TEK: variants seen among roughly 807,000 people sequenced by gnomAD.
TEK encodes TEK receptor tyrosine kinase.
Under a neutral mutation model 131.8 loss-of-function variants are expected in TEK, and 43 were observed. The ratio of observed to expected loss-of-function variants is 0.33; its 90% confidence interval spans 0.26 to 0.42. The LOEUF is 0.42. TEK is among the 10% of genes least tolerant of loss of function. The pLI is 1.00. For missense variants in TEK, 1,162 were observed against 1,384.4 expected, an observed-to-expected ratio of 0.84 and a Z score of 2.55; for synonymous variants, 580 against 491.6, an observed-to-expected ratio of 1.18 and a Z score of -2.38.
chr9:27,116,447 C>T (rs1208780933), intron 1 of TEK, among the ~76,000 whole-genome samples: 1 of 152,156 alleles, frequency 6.6e-6, no homozygotes, highest in Non-Finnish European at 1.5e-5. Flanking sequence ...TGCCACCACA[C>T]CCGGCTAATT....
intron 1 of TEK, among the ~76,000 whole-genome samples, chr9:27,150,996 A>G (rs1376195624): frequency 6.6e-6 from 1 of 152,202 alleles, no homozygotes; most frequent in African/African-American, 2.4e-5. Flanking sequence ...CTCCTGGGTG[A>G]GCACAGGAGT....
At chr9:27,137,019 G>A (rs534964961) in intron 1 of TEK, among the ~76,000 whole-genome samples, 2 of 152,172 alleles carry the variant, frequency 1.3e-5, no homozygotes, top group South Asian at 2.1e-4. Flanking sequence ...GGGTTCAAGC[G>A]ATTCTCCTGC....
chr9:27,167,697 A>C (rs1490103781), intron 2 of TEK, among the ~76,000 whole-genome samples: 1 of 152,184 alleles, frequency 6.6e-6, no homozygotes, highest in East Asian at 1.9e-4. Context: ...TTTACACCAT[A>C]AGTAGTAAGT....
chr9:27,192,408 C>G, intron 10 of TEK, 81 bp from the exon 11 acceptor site: 1 of 1,550,350 alleles, frequency 6.5e-7, no homozygotes, highest in Non-Finnish European at 8.9e-7. Context: ...AAAATTAGTT[C>G]ACATCGCAAT....
In TEK at chr9:27,202,848, G is replaced by T. The variant is rs1373898272; in HGVS notation, c.1938G>T (p.Lys646Asn). 2 of 1,613,922 alleles carry T rather than the reference G, an allele frequency of 1.2e-6. No individual in the cohort carries two copies. The highest frequency in any genetic ancestry group is 2.7e-5 in the African/African-American group (2 of 74,900). Reference protein sequence around the residue: ...DILPPQPENIKISNITHSSAV... With the variant: ...DILPPQPENINISNITHSSAV... ...TTCCTCCTCAACCAGAAAACATCAAGATTTCCAACATTACACACTCCTCAG... is the reference window on the plus strand; with the variant it reads ...TTCCTCCTCAACCAGAAAACATCAATATTTCCAACATTACACACTCCTCAG... The change falls in exon 13 of 23, where the codon AAG (lysine) becomes AAT (asparagine). Residue 646 changes from lysine (K) to asparagine (N), a missense_variant. Physicochemically the swap from Lys to Asn is moderately conservative, Grantham distance 94. Transcript: ENST00000380036.
intron 1 of TEK, among the ~76,000 whole-genome samples, chr9:27,137,755 A>C (rs1467355707): frequency 3.3e-5 from 5 of 152,136 alleles, no homozygotes; most frequent in African/African-American, 1.2e-4. Flanking sequence ...TTCTACCCAC[A>C]CCTAAGAACA....
At position 27,169,591 on chromosome 9, in the gene TEK, A is replaced by G. The variant is rs1224499253; in HGVS notation, c.590A>G (p.Asn197Ser). ...GVYSARYIGG[N>S]LFTSAFTRLI... ...TACTCGGCCAGGTATATAGGAGGAA[A>G]CCTCTTCACCTCGGCCTTCACCAGG... Residue 197 changes from asparagine to serine, a missense_variant, in exon 4 of 23, where the codon AAC becomes AGC. Asn to Ser is a conservative substitution (Grantham distance 46). Transcript: ENST00000380036. The G allele has an allele frequency of 1.9e-6, 3 of 1,614,004 alleles. No homozygotes were observed. The highest frequency in any genetic ancestry group is 2.5e-6 in the Non-Finnish European group (3 of 1,180,000).
intron 1 of TEK, among the ~76,000 whole-genome samples, chr9:27,117,232 A>T (rs1053636470): frequency 6.6e-6 from 1 of 152,170 alleles, no homozygotes; most frequent in East Asian, 1.9e-4. Context: ...CTGACACTGG[A>T]GCACCAGCCT....
chr9:27,215,631 A>C (rs1587033345), intron 18 of TEK, among the ~76,000 whole-genome samples: 2 of 151,638 alleles, frequency 1.3e-5, no homozygotes, highest in South Asian at 2.1e-4. Flanking sequence ...CTACTATACT[A>C]AGCAATTTGG....
At chr9:27,119,067 T>G in intron 1 of TEK, among the ~76,000 whole-genome samples, 1 of 152,192 alleles carries the variant, frequency 6.6e-6, no homozygotes. Flanking sequence ...TGTGAGCTAG[T>G]TTCTTTTATT....
intron 1 of TEK, among the ~76,000 whole-genome samples, chr9:27,117,497 C>G (rs1240749643): frequency 6.6e-6 from 1 of 152,232 alleles, no homozygotes. Context: ...CCCATTGTCC[C>G]CTTGTGTGCC....
At position 27,177,764 on chromosome 9, in the gene TEK, G is replaced by GA. The variant is rs200681713; in HGVS notation, c.902-2467dup. Among the ~76,000 whole-genome samples the GA allele has an allele frequency of 2.9e-4, 43 of 149,966 alleles. No individual in the cohort carries two copies. The South Asian group carries it at 5.3e-3, about 18-fold the overall frequency. On this transcript the variant is annotated intron_variant, in intron 6 of 22. Transcript: ENST00000380036. ...AAACTCCATCTCAAAAAATGAAAAAGAAAAAAAAAGATGTCTATTCAGGTC... is the reference window on the plus strand; with the variant it reads ...AAACTCCATCTCAAAAAATGAAAAAGAAAAAAAAAAGATGTCTATTCAGGTC...
intron 2 of TEK, among the ~76,000 whole-genome samples, chr9:27,164,063 G>A (rs1823634089): frequency 6.6e-6 from 1 of 152,150 alleles, no homozygotes; most frequent in Non-Finnish European, 1.5e-5. Flanking sequence ...GGACCTTAAA[G>A]CCTTCTGAGT....
At chr9:27,196,958 A>C (rs1178196382) in intron 11 of TEK, among the ~76,000 whole-genome samples, 1 of 151,324 alleles carries the variant, frequency 6.6e-6, no homozygotes, top group African/African-American at 2.4e-5. Context: ...GGTGTGCTGC[A>C]CCCATTAACT....
intron 1 of TEK, among the ~76,000 whole-genome samples, chr9:27,120,522 A>G (rs985107005): frequency 6.6e-6 from 1 of 152,280 alleles, no homozygotes; most frequent in Non-Finnish European, 1.5e-5. Context: ...GTGAGGGACT[A>G]GTGGAATGAA....
At chr9:27,130,406 A>T (rs547508030) in intron 1 of TEK, among the ~76,000 whole-genome samples, 1 of 152,272 alleles carries the variant, frequency 6.6e-6, no homozygotes, top group Non-Finnish European at 1.5e-5. Flanking sequence ...ATGTAAAAAA[A>T]CTCAAGCCAT....
At chr9:27,116,295 GTT>G (rs545601527) in intron 1 of TEK, among the ~76,000 whole-genome samples, 1 of 148,130 alleles carries the variant, frequency 6.8e-6, no homozygotes, top group Non-Finnish European at 1.5e-5. Flanking sequence ...TGTAAAGGAA[GTT>G]TTTTTTTTTG....
At chr9:27,196,817 A>G (rs1451640060) in intron 11 of TEK, among the ~76,000 whole-genome samples, 1 of 144,276 alleles carries the variant, frequency 6.9e-6, no homozygotes, top group Non-Finnish European at 1.5e-5. Context: ...TTTTCCATGG[A>G]AATTATTTAA....
At chr9:27,114,493 C>A (rs983181838) in intron 1 of TEK, among the ~76,000 whole-genome samples, 5 of 152,046 alleles carry the variant, frequency 3.3e-5, no homozygotes, top group Non-Finnish European at 7.4e-5. Flanking sequence ...ATCTCTTAAA[C>A]CAGGGAGGCA....
Sources: allele counts gnomAD v4.1 joint callset (sites outside exome capture counted in the v4.1 genomes callset), GRCh38; gene constraint gnomAD v4.1.1; transcripts MANE v1.5; gene names NCBI Gene and HGNC (gene_info 2026-07-23, HGNC 2026-07-21).